Variants in NYX observed in about 807,000 individuals in gnomAD.
The protein encoded by NYX is nyctalopin.
For synonymous variants in NYX, 258 were observed against 245.7 expected (o/e 1.05, Z -0.47); for missense variants, 481 against 485.4 (o/e 0.99, Z 0.09).
intron 2 of NYX, among the ~76,000 whole-genome samples, chrX:41,461,913 T>C (rs981871098): frequency 9.0e-6 from 1 of 111,354 alleles, no homozygotes; most frequent in African/African-American, 3.3e-5. Flanking sequence ...GCAATTCTCC[T>C]GCCTCAGCCT....
chrX:41,472,552 C>G (rs1647751646), intron 2 of NYX: 1 of 552,296 alleles, frequency 1.8e-6, no homozygotes, highest in African/African-American at 2.2e-5. Flanking sequence ...CCTCTGACTA[C>G]AGGGGGGCTC....
At chrX:41,470,847 G>C (rs184162927) in intron 2 of NYX, among the ~76,000 whole-genome samples, 1 of 110,603 alleles carries the variant, frequency 9.0e-6, no homozygotes, top group Non-Finnish European at 1.9e-5. Context: ...TACTGTATTG[G>C]GCAGCGCAGA....
At chrX:41,469,507 C>G (rs1007587848) in intron 2 of NYX, among the ~76,000 whole-genome samples, 18 of 109,063 alleles carry the variant, frequency 1.7e-4, no homozygotes, top group African/African-American at 5.3e-4. Context: ...GGCTTGGGGC[C>G]TCTGGCTTCC....
At chrX:41,460,169 CT>C (rs565873921) in intron 2 of NYX, among the ~76,000 whole-genome samples, 189 of 93,212 alleles carry the variant, frequency 2.0e-3, no homozygotes, top group Non-Finnish European at 2.2e-3. Context: ...TATTCTTTTT[CT>C]TTTTTTTTTT....
chrX:41,459,319 C>A (rs191834879), intron 2 of NYX, among the ~76,000 whole-genome samples: 1 of 110,285 alleles, frequency 9.1e-6, no homozygotes, highest in Admixed American at 9.7e-5. Context: ...TAGGACTGCA[C>A]GTAAATGTCA....
chrX:41,473,989 G>A lies in NYX; in HGVS notation c.521G>A (p.Arg174His), dbSNP rs2064375713. 1.9e-6 allele frequency: 2 copies of A among 1,071,381 alleles called. No homozygotes were observed. Among genetic ancestry groups the A allele is most frequent in the Admixed American group, 3.7e-5 (1 of 26,731 alleles). 88.3% of individuals were successfully genotyped at this position (1,071,381 alleles called of 1,213,427 possible). The change falls in exon 3 of 3, where the codon CGC (arginine) becomes CAC (histidine). Residue 174 changes from arginine (R) to histidine (H), a missense_variant. Transcript: ENST00000378220. ...TTCCGCCGCGTGCCGGGCGCGCTGC[G>A]CGGCCTGGCCAACCTGACGCACGCG... ...NLFRRVPGAL[R>H]GLANLTHAHL...
intron 2 of NYX, among the ~76,000 whole-genome samples, chrX:41,449,800 TTGCTAACAATAGA>T (rs2064272296): frequency 9.0e-6 from 1 of 111,680 alleles, no homozygotes; most frequent in Non-Finnish European, 1.9e-5. Context: ...GTGACATCAT[TTGCTAACAATAGA>T]TGCACTTAAA....
Position 41,475,092 on chromosome X carries a change from T to C in NYX, c.*193T>C. The C allele has an allele frequency of 2.2e-6, 1 of 459,543 alleles. No homozygotes were observed. The allele number at this position is 459,543 out of a possible 1,213,427, so 37.9% of individuals were successfully genotyped here. A position where few individuals can be genotyped will look rare whatever the true frequency, so the allele number is the denominator to read the frequency against. ...GGAGGATGGTATGGATTTCTGCTTT[T>C]GTCACACGGGCATCCATTGGAAAAG... On this transcript the variant is annotated 3_prime_UTR_variant, in exon 3 of 3. Transcript: ENST00000378220.
chrX:41,447,819 C>A, intron 1 of NYX, 30 bp from the exon 2 acceptor site: 1 of 1,106,763 alleles, frequency 9.0e-7, no homozygotes, highest in Non-Finnish European at 1.2e-6. Flanking sequence ...CCCTCCTGGG[C>A]ACTGGGTGAC....
chrX:41,472,361 T>A, intron 2 of NYX: 1 of 1,153,041 alleles, frequency 8.7e-7, no homozygotes, highest in Non-Finnish European at 1.2e-6. Flanking sequence ...GTTGGCCACA[T>A]CCATGTCGGT....
rs560993500 is a variant in NYX, at chrX:41,466,438, A to C, written c.23-7053A>C. Among the ~76,000 whole-genome samples the C allele has an allele frequency of 3.7e-5, 4 of 108,939 alleles. No homozygotes were observed. In the South Asian group the frequency reaches 1.6e-3, roughly 42 times the overall value. 94.6% of individuals were successfully genotyped at this position (108,939 alleles called of 115,157 possible). On this transcript the variant is annotated intron_variant, in intron 2 of 2. Transcript: ENST00000378220. ...GACCCTGTCTAAAAAAATAAAAAATAAAAAAAAAATCCTGAGAGGAAAAAT... is the reference window on the plus strand; with the variant it reads ...GACCCTGTCTAAAAAAATAAAAAATCAAAAAAAAATCCTGAGAGGAAAAAT...
rs1216599965 is a variant in NYX at position 41,473,884 on chromosome X, C to T, written c.416C>T (p.Ala139Val). 1.8e-6 allele frequency: 2 copies of T among 1,128,806 alleles called. No individual in the cohort carries two copies. Among genetic ancestry groups the T allele is most frequent in the Non-Finnish European group, 2.3e-6 (2 of 861,167 alleles). The allele number at this position is 1,128,806 out of a possible 1,213,427, so 93.0% of individuals were successfully genotyped here. A position where few individuals can be genotyped will look rare whatever the true frequency, so the allele number is the denominator to read the frequency against. ...CGCCTGCGCCGCCTAGACCTAGCAG[C>T]CTGCCGCCTCTTCAGCGTGCCCGAG... ...LSRLRRLDLA[A>V]CRLFSVPERL... The change falls in exon 3 of 3, where the codon GCC becomes GTC. Residue 139 changes from alanine to valine, a missense_variant. Ala to Val is a moderately conservative substitution (Grantham distance 64). Transcript: ENST00000378220.
chrX:41,451,968 T>G (rs1218677147), intron 2 of NYX, among the ~76,000 whole-genome samples: 1 of 110,297 alleles, frequency 9.1e-6, no homozygotes, highest in African/African-American at 3.3e-5. Context: ...TAAGTCTTTT[T>G]GCTGTTGCTG....
At chrX:41,458,806 G>A (rs910443362) in intron 2 of NYX, among the ~76,000 whole-genome samples, 2 of 103,657 alleles carry the variant, frequency 1.9e-5, no homozygotes, top group East Asian at 3.3e-4. Flanking sequence ...TTGGCCAGGC[G>A]TAGTGGCTCA....
intron 2 of NYX, among the ~76,000 whole-genome samples, chrX:41,460,382 G>A (rs955078622): frequency 2.7e-5 from 3 of 111,197 alleles, no homozygotes; most frequent in African/African-American, 9.8e-5. Flanking sequence ...TGGCGGGGCT[G>A]TTCTTGAACC....
intron 2 of NYX, among the ~76,000 whole-genome samples, chrX:41,464,125 G>A (rs1448132564): frequency 1.9e-5 from 2 of 104,293 alleles, no homozygotes; most frequent in Admixed American, 1.1e-4. Context: ...TTCATTCAGC[G>A]CTTAAAGAGC....
chrX:41,453,495 G>A (rs1413599175), intron 2 of NYX, among the ~76,000 whole-genome samples: 3 of 102,874 alleles, frequency 2.9e-5, no homozygotes, highest in Non-Finnish European at 3.9e-5. Flanking sequence ...TTGCTCTGTC[G>A]CCCAGGCTGG....
chrX:41,457,740 C>A (rs977132708), intron 2 of NYX, among the ~76,000 whole-genome samples: 1 of 111,283 alleles, frequency 9.0e-6, no homozygotes, highest in African/African-American at 3.3e-5. Flanking sequence ...TGTTCAACTG[C>A]GGTGCAAACA....
chrX:41,469,938 G>A (rs753815509), intron 2 of NYX, among the ~76,000 whole-genome samples: 5 of 111,105 alleles, frequency 4.5e-5, no homozygotes, highest in Non-Finnish European at 9.4e-5. Context: ...CAAAATGAAA[G>A]TAATTTATAA....
Sources: gnomAD v4.1 joint callset for allele counts (sites outside exome capture counted in the v4.1 genomes callset) on GRCh38, gnomAD v4.1.1 for gene constraint, MANE v1.5 for transcripts, NCBI Gene and HGNC (gene_info 2026-07-23, HGNC 2026-07-21) for gene names.